The following GREB1L variants were observed in gnomAD, a reference collection of about 807,000 sequenced individuals.
The protein encoded by GREB1L is GREB1-like protein.
A neutral mutation model predicts 200.8 loss-of-function variants in GREB1L; 17 were observed. The ratio of observed to expected loss-of-function variants is 0.08; its 90% CI spans 0.06 to 0.13. The LOEUF is 0.13. Ranked by LOEUF, GREB1L falls within the 10% of genes least tolerant of loss-of-function variation. GREB1L has a pLI of 1.00. For synonymous variants in GREB1L, 789 were observed against 893.0 expected (o/e 0.88, Z 2.08); for missense variants, 1,657 against 2,367.7 (o/e 0.70, Z 6.23).
At chr18:21,463,991 C>A (rs561120501) in intron 15 of GREB1L, among the ~76,000 whole-genome samples, 1 of 152,030 alleles carries the variant, frequency 6.6e-6, no homozygotes, top group Non-Finnish European at 1.5e-5. Flanking sequence ...AAATTTCTAG[C>A]GTCACAAGGA....
At chr18:21,381,028 G>A (rs2040286407) in intron 2 of GREB1L, among the ~76,000 whole-genome samples, 1 of 152,166 alleles carries the variant, frequency 6.6e-6, no homozygotes, top group Non-Finnish European at 1.5e-5. Flanking sequence ...GGATCACAAG[G>A]TCAGGTGATC....
intron 1 of GREB1L, among the ~76,000 whole-genome samples, chr18:21,261,303 G>GTTTTAAGCAATTCCTTAAAAACT (rs2037886452): frequency 6.6e-6 from 1 of 152,010 alleles, no homozygotes. Flanking sequence ...TTGAGGACAA[G>GTTTTAAGCAATTCCTTAAAAACT]TTTTTAAGGA....
chr18:21,243,921 ATCCT>A (rs2037552171), intron 1 of GREB1L, among the ~76,000 whole-genome samples: 1 of 152,162 alleles, frequency 6.6e-6, no homozygotes. Flanking sequence ...ACAAGCCTTC[ATCCT>A]TCTCAGAGGC....
At chr18:21,328,415 A>G (rs1425066262) in intron 1 of GREB1L, among the ~76,000 whole-genome samples, 1 of 152,216 alleles carries the variant, frequency 6.6e-6, no homozygotes, top group Non-Finnish European at 1.5e-5. Flanking sequence ...CAACCAGGAA[A>G]CTGACCAGTG....
chr18:21,342,784 T>G (rs2039287962), intron 1 of GREB1L, among the ~76,000 whole-genome samples: 1 of 152,222 alleles, frequency 6.6e-6, no homozygotes. Flanking sequence ...GAAATTGTGC[T>G]GTGGGTTTTC....
chr18:21,407,807 C>A (rs1050507657), intron 7 of GREB1L, among the ~76,000 whole-genome samples: 5 of 152,124 alleles, frequency 3.3e-5, no homozygotes, highest in African/African-American at 1.2e-4. Context: ...GAAATCCTGT[C>A]ATTTGCAGGA....
chr18:21,430,608 T>A (rs182370), intron 7 of GREB1L, among the ~76,000 whole-genome samples: 33,424 of 119,564 alleles, frequency 0.28, 6,924 homozygotes, highest in African/African-American at 0.67. Flanking sequence ...TTTTTTTTTT[T>A]AATTTGAGAC....
intron 1 of GREB1L, among the ~76,000 whole-genome samples, chr18:21,318,622 A>G (rs142756411): frequency 1.3e-5 from 2 of 152,344 alleles, no homozygotes; most frequent in East Asian, 1.9e-4. Context: ...ATACATTTTC[A>G]TGCATATTCT....
chr18:21,375,915 A>G (rs542023188), intron 2 of GREB1L, among the ~76,000 whole-genome samples: 1 of 152,280 alleles, frequency 6.6e-6, no homozygotes, highest in South Asian at 2.1e-4. Context: ...CACCATCACT[A>G]CTGCTAGTAA....
At chr18:21,410,613 C>T (rs1445830059) in intron 7 of GREB1L, among the ~76,000 whole-genome samples, 7 of 151,646 alleles carry the variant, frequency 4.6e-5, no homozygotes, top group Non-Finnish European at 8.8e-5. Flanking sequence ...CAAGATCGTG[C>T]CACTGCACTC....
chr18:21,432,496 A>G (rs2033230923), intron 7 of GREB1L, among the ~76,000 whole-genome samples: 2 of 151,764 alleles, frequency 1.3e-5, no homozygotes, highest in South Asian at 4.2e-4. Flanking sequence ...ACCTGGTGTA[A>G]GATGTTGGTA....
intron 1 of GREB1L, among the ~76,000 whole-genome samples, chr18:21,257,231 G>A (rs2037815183): frequency 6.6e-6 from 1 of 152,026 alleles, no homozygotes; most frequent in Non-Finnish European, 1.5e-5. Context: ...GCTTCCCAAA[G>A]TGCTGGGATT....
chr18:21,469,405 G>T (rs1423718290), intron 15 of GREB1L, among the ~76,000 whole-genome samples: 3 of 151,860 alleles, frequency 2.0e-5, no homozygotes, highest in Non-Finnish European at 4.4e-5. Flanking sequence ...AGGCTCTTGT[G>T]GTTTTTTTTA....
Position 21,402,297 on chromosome 18 carries a change from C to T in GREB1L, c.709+971C>T, listed in dbSNP as rs577184261. On this transcript the variant is annotated intron_variant, in intron 6 of 32. Transcript: ENST00000424526. ...GTATCACCTCCCTCCCTTTTAATTC[C>T]CTTCTTTAGCCTTGTTTTGGTTGCA... Among the ~76,000 whole-genome samples, 595 of 151,862 alleles carry T rather than the reference C, an allele frequency of 3.9e-3. 5 individuals are homozygous for T. The highest frequency in any genetic ancestry group is 6.8e-3 in the Middle Eastern group (2 of 294).
chr18:21,254,566 G>A (rs6508227), intron 1 of GREB1L, among the ~76,000 whole-genome samples: 2,657 of 152,166 alleles, frequency 0.017, 76 homozygotes, highest in African/African-American at 0.058. Flanking sequence ...ACTGTCAGCT[G>A]CATGTAAAAA....
At position 21,473,203 on chromosome 18, in the gene GREB1L, A is replaced by G. The variant is rs2035550342; in HGVS notation, c.2355A>G (p.Glu785=). ...FVLVHDNSHV[E]LTSVISGSLS... ...TAGTTCATGACAACTCCCATGTGGA[A>G]CTAACGAGGTGATTGGTTCAGAGTG... The change falls in exon 16 of 33, where the codon GAA becomes GAG. Residue 785 remains glutamate (E), a synonymous_variant. Transcript: ENST00000424526. 6.6e-7 allele frequency: 1 copy of G among 1,525,732 alleles called. No homozygotes were observed. Among genetic ancestry groups the G allele is most frequent in the African/African-American group, 1.4e-5 (1 of 72,208 alleles). 94.5% of individuals were successfully genotyped at this position (1,525,732 alleles called of 1,614,324 possible).
intron 7 of GREB1L, among the ~76,000 whole-genome samples, chr18:21,420,222 G>A (rs9957178): frequency 0.36 from 53,802 of 151,526 alleles, 13,996 homozygotes; most frequent in African/African-American, 0.71. Flanking sequence ...AATACAAAAA[G>A]TTAGCCAGGC....
At chr18:21,381,079 A>G (rs1232339770) in intron 2 of GREB1L, among the ~76,000 whole-genome samples, 1 of 152,190 alleles carries the variant, frequency 6.6e-6, no homozygotes, top group African/African-American at 2.4e-5. Flanking sequence ...CGTCTCTACT[A>G]AAAATACAAA....
At chr18:21,354,278 G>T (rs537529996) in intron 1 of GREB1L, among the ~76,000 whole-genome samples, 1 of 151,982 alleles carries the variant, frequency 6.6e-6, no homozygotes, top group Admixed American at 6.6e-5. Context: ...AATCTGATAC[G>T]TTAGATTATT....
Sources: allele counts gnomAD v4.1 joint callset (sites outside exome capture counted in the v4.1 genomes callset), GRCh38; gene constraint gnomAD v4.1.1; transcripts MANE v1.5; gene names NCBI Gene and HGNC (gene_info 2026-07-23, HGNC 2026-07-21).